TRAPPC9: variants seen among roughly 807,000 people sequenced by gnomAD.
TRAPPC9 encodes the protein trafficking protein particle complex subunit 9, also known as IKK2 binding protein.
A neutral mutation model predicts 124.0 loss-of-function variants in TRAPPC9; 83 were observed. The ratio of observed to expected loss-of-function variants is 0.67; its 90% CI spans 0.56 to 0.80. TRAPPC9 has a LOEUF of 0.80. Ranked by LOEUF, TRAPPC9 falls within the 30% of genes least tolerant of loss-of-function variation. TRAPPC9 has a pLI of 0.00. For missense variants in TRAPPC9, 1,302 were observed against 1,508.3 expected, an observed-to-expected ratio of 0.86 and a Z score of 2.27; for synonymous variants, 638 against 617.5, an observed-to-expected ratio of 1.03 and a Z score of -0.49.
At chr8:140,033,726 G>C (rs1461894448) in intron 17 of TRAPPC9, among the ~76,000 whole-genome samples, 1 of 121,710 alleles carries the variant, frequency 8.2e-6, no homozygotes, top group Non-Finnish European at 1.6e-5. Context: ...CTGTCGCCCA[G>C]GCTGGAGTGC....
At chr8:139,881,649 G>A (rs1829679905) in intron 21 of TRAPPC9, among the ~76,000 whole-genome samples, 1 of 101,880 alleles carries the variant, frequency 9.8e-6, no homozygotes, top group South Asian at 3.2e-4. Flanking sequence ...GAAAAAAAGA[G>A]CTGGCCTACC....
rs780220293 is a variant in TRAPPC9, at chr8:140,287,750, C to T, written c.1855-16G>A. Reference sequence around the variant, plus strand: ...TGAGCAGCCCCTAAACCAAGCGACGCAGCATCGTAAGCCCGGAGCAAACCT... The same window carrying T: ...TGAGCAGCCCCTAAACCAAGCGACGTAGCATCGTAAGCCCGGAGCAAACCT... On this transcript the variant is annotated splice_polypyrimidine_tract_variant and intron_variant, in intron 12 of 22. Coordinates refer to ENST00000438773, the MANE Select transcript of TRAPPC9 (RefSeq NM_001160372.4). The T allele has an allele frequency of 6.2e-7, 1 of 1,614,064 alleles. No individual in the cohort carries two copies. The highest frequency in any genetic ancestry group is 2.2e-5 in the East Asian group (1 of 44,880).
intron 9 of TRAPPC9, among the ~76,000 whole-genome samples, chr8:140,354,054 A>C (rs1258527501): frequency 6.6e-6 from 1 of 152,256 alleles, no homozygotes; most frequent in Non-Finnish European, 1.5e-5. Flanking sequence ...AAGGCAGCAG[A>C]ATAGCAATGC....
intron 5 of TRAPPC9, among the ~76,000 whole-genome samples, chr8:140,411,134 C>T (rs988420694): frequency 6.6e-6 from 1 of 151,968 alleles, no homozygotes; most frequent in Non-Finnish European, 1.5e-5. Context: ...ACTCTAGGTA[C>T]GGGTTTTGTT....
Position 139,758,620 on chromosome 8 carries a change from G to A in TRAPPC9, c.3056-26418C>T, listed in dbSNP as rs1586782746. Among the ~76,000 whole-genome samples, 3 of 152,298 alleles carry A rather than the reference G, an allele frequency of 2.0e-5. No homozygotes were observed. The East Asian group carries it at 5.8e-4, about 29-fold the overall frequency. ...GCTGATAAAATGTTTACTGAGCCAGGCTCCCTGAAGGAGGGGTTGCCCCAG... is the reference window on the plus strand; with the variant it reads ...GCTGATAAAATGTTTACTGAGCCAGACTCCCTGAAGGAGGGGTTGCCCCAG... On this transcript the variant is annotated intron_variant, in intron 21 of 22. Coordinates refer to ENST00000438773, the MANE Select transcript of TRAPPC9 (RefSeq NM_001160372.4).
intron 17 of TRAPPC9, among the ~76,000 whole-genome samples, chr8:140,061,137 C>T (rs1035286164): frequency 1.3e-5 from 2 of 152,186 alleles, no homozygotes; most frequent in African/African-American, 4.8e-5. Flanking sequence ...AGAAACAGAT[C>T]TGTAGGCACT....
At chr8:139,752,955 T>C (rs1819442087) in intron 21 of TRAPPC9, among the ~76,000 whole-genome samples, 1 of 145,648 alleles carries the variant, frequency 6.9e-6, no homozygotes, top group Admixed American at 6.8e-5. Context: ...CTACCATCCA[T>C]CCATCAATCC....
rs151005396 is a variant in TRAPPC9 at position 140,297,349 on chromosome 8, G to GACACACACACAT, written c.1768+3108_1768+3119dup. Among the ~76,000 whole-genome samples, 189 of 151,656 alleles carry GACACACACACAT rather than the reference G, an allele frequency of 1.2e-3. No homozygotes were observed. In the East Asian group the frequency reaches 0.014, roughly 11 times the overall value. On this transcript the variant is annotated intron_variant, in intron 11 of 22. Transcript: ENST00000438773. ...ACACACTCATACACACACATGCATA[G>GACACACACACAT]ACACACACACATACACGCATACACA...
At chr8:139,743,642 A>G (rs939966398) in intron 21 of TRAPPC9, among the ~76,000 whole-genome samples, 1 of 152,206 alleles carries the variant, frequency 6.6e-6, no homozygotes, top group African/African-American at 2.4e-5. Context: ...ATGAAGCAAA[A>G]TAAGTTCTAT....
intron 14 of TRAPPC9, among the ~76,000 whole-genome samples, chr8:140,277,624 C>T (rs1027802290): frequency 6.6e-6 from 1 of 152,236 alleles, no homozygotes; most frequent in Non-Finnish European, 1.5e-5. Flanking sequence ...GCTGCAGCAT[C>T]CCAGTTGTCA....
At chr8:139,809,982 C>T (rs916689886) in intron 21 of TRAPPC9, among the ~76,000 whole-genome samples, 6 of 152,198 alleles carry the variant, frequency 3.9e-5, no homozygotes, top group African/African-American at 9.7e-5. Flanking sequence ...CATCTCTGCA[C>T]ATCTGCCTGA....
chr8:140,456,428 GA>G (rs1281659109), intron 1 of TRAPPC9, among the ~76,000 whole-genome samples: 7 of 141,490 alleles, frequency 4.9e-5, no homozygotes, highest in Admixed American at 4.9e-4. Context: ...AAAAAAAAAA[GA>G]AAAATCACTG....
At chr8:139,761,849 G>A (rs1029477117) in intron 21 of TRAPPC9, among the ~76,000 whole-genome samples, 3 of 151,482 alleles carry the variant, frequency 2.0e-5, no homozygotes, top group Non-Finnish European at 2.9e-5. Flanking sequence ...CCCACACCAC[G>A]CCTGGCTGCC....
At chr8:139,959,321 C>T (rs1398182901) in intron 19 of TRAPPC9, among the ~76,000 whole-genome samples, 1 of 152,250 alleles carries the variant, frequency 6.6e-6, no homozygotes, top group East Asian at 1.9e-4. Context: ...CGAGCACTTG[C>T]TGAGGGCTTC....
At chr8:139,928,491 C>CAA (rs112802756) in intron 19 of TRAPPC9, among the ~76,000 whole-genome samples, 40 of 140,994 alleles carry the variant, frequency 2.8e-4, no homozygotes, top group African/African-American at 9.6e-4. Flanking sequence ...GACTCCATCT[C>CAA]AAAAAAAAAA....
intron 17 of TRAPPC9, among the ~76,000 whole-genome samples, chr8:140,034,914 C>T (rs1169233866): frequency 6.6e-6 from 1 of 152,244 alleles, no homozygotes; most frequent in Non-Finnish European, 1.5e-5. Context: ...GAGCAGAAAG[C>T]TGGCGCTGCC....
intron 21 of TRAPPC9, among the ~76,000 whole-genome samples, chr8:139,735,717 GC>G (rs1312449592): frequency 6.6e-6 from 1 of 152,060 alleles, no homozygotes; most frequent in Non-Finnish European, 1.5e-5. Context: ...TGCTGGGGCA[GC>G]AGAGGACTGG....
chr8:140,181,496 G>C (rs1043069356), intron 17 of TRAPPC9, among the ~76,000 whole-genome samples: 2 of 152,008 alleles, frequency 1.3e-5, no homozygotes, highest in Non-Finnish European at 2.9e-5. Context: ...TCACCATGTT[G>C]GCCAGGCTGG....
At chr8:140,010,361 C>T (rs977663866) in intron 18 of TRAPPC9, among the ~76,000 whole-genome samples, 7 of 151,828 alleles carry the variant, frequency 4.6e-5, no homozygotes, top group African/African-American at 1.5e-4. Context: ...TACTGAAGCC[C>T]GAATGAAGCC....
Sources: gnomAD v4.1 joint callset for allele counts (sites outside exome capture counted in the v4.1 genomes callset) on GRCh38, gnomAD v4.1.1 for gene constraint, MANE v1.5 for transcripts, NCBI Gene and HGNC (gene_info 2026-07-23, HGNC 2026-07-21) for gene names.